SGIP1: variants seen among roughly 807,000 people sequenced by gnomAD.
The protein encoded by SGIP1 is SH3GL interacting endocytic adaptor 1.
A neutral mutation model predicts 107.5 loss-of-function variants in SGIP1; 38 were observed. That is an observed-to-expected ratio of 0.35 (90% CI 0.27 to 0.46). SGIP1 has a LOEUF of 0.46. SGIP1 is among the 20% of genes least tolerant of loss of function. SGIP1 has a pLI of 1.00. For synonymous variants in SGIP1, 365 were observed against 366.1 expected (o/e 1.00, Z 0.03); for missense variants, 929 against 1,019.5 (o/e 0.91, Z 1.21).
intron 7 of SGIP1, 106 bp from the exon 8 acceptor site, chr1:66,660,407 C>A: frequency 9.6e-7 from 1 of 1,038,282 alleles, no homozygotes; most frequent in Non-Finnish European, 1.5e-6. Context: ...CCTTCGAGAG[C>A]TCCCTTAAGT....
intron 2 of SGIP1, among the ~76,000 whole-genome samples, chr1:66,628,124 C>A (rs897832067): frequency 2.6e-5 from 4 of 152,120 alleles, no homozygotes; most frequent in Non-Finnish European, 5.9e-5. Context: ...ATATGTGCCA[C>A]ATTTTCTTAA....
intron 24 of SGIP1, among the ~76,000 whole-genome samples, chr1:66,742,406 T>C (rs1298502338): frequency 2.0e-5 from 3 of 149,926 alleles, no homozygotes; most frequent in African/African-American, 7.3e-5. Context: ...AATTATACCC[T>C]TTTCGCTCTC....
At chr1:66,586,070 A>G (rs569235495) in intron 1 of SGIP1, among the ~76,000 whole-genome samples, 3 of 152,250 alleles carry the variant, frequency 2.0e-5, no homozygotes, top group Non-Finnish European at 4.4e-5. Flanking sequence ...AGAATTGCTA[A>G]TGTCTCTTTT....
intron 15 of SGIP1, among the ~76,000 whole-genome samples, chr1:66,688,405 T>C (rs892326053): frequency 6.6e-6 from 1 of 152,224 alleles, no homozygotes; most frequent in African/African-American, 2.4e-5. Flanking sequence ...CTTCTGTGTT[T>C]CATACGTTTG....
At chr1:66,623,872 T>C (rs2071891818) in intron 1 of SGIP1, among the ~76,000 whole-genome samples, 1 of 152,218 alleles carries the variant, frequency 6.6e-6, no homozygotes, top group African/African-American at 2.4e-5. Flanking sequence ...AGTGCATTTT[T>C]TTCACTGGAA....
chr1:66,660,448 C>G (rs1571413568), intron 7 of SGIP1, 65 bp from the exon 8 acceptor site: 1 of 1,492,862 alleles, frequency 6.7e-7, no homozygotes, highest in African/African-American at 1.4e-5. Flanking sequence ...CCTGTTTCTT[C>G]TTGAAAATAC....
Position 66,534,319 on chromosome 1 carries a change from T to C in SGIP1, c.-40T>C. ...CTGGAATCGTATCCTCCTGTGTTTT[T>C]TCAGACTCCTTGGAAATTAAGGAAT... On this transcript the variant is annotated 5_prime_UTR_variant, in exon 1 of 25. Transcript: ENST00000371037. 6.2e-7 allele frequency: 1 copy of C among 1,613,398 alleles called. No individual in the cohort carries two copies. The highest frequency in any genetic ancestry group is 1.3e-5 in the African/African-American group (1 of 75,006).
chr1:66,678,817 T>A (rs937225881), intron 13 of SGIP1, among the ~76,000 whole-genome samples: 4 of 152,300 alleles, frequency 2.6e-5, no homozygotes, highest in Admixed American at 2.6e-4. Flanking sequence ...CCTACCTGCC[T>A]CCCTCTGCGT....
chr1:66,557,026 AT>A (rs1469893823), intron 1 of SGIP1, among the ~76,000 whole-genome samples: 5 of 152,108 alleles, frequency 3.3e-5, no homozygotes, highest in African/African-American at 1.2e-4. Context: ...GCGCTTTAGG[AT>A]CACAACAAGG....
chr1:66,585,960 G>T (rs534903663), intron 1 of SGIP1, among the ~76,000 whole-genome samples: 1 of 152,188 alleles, frequency 6.6e-6, no homozygotes, highest in Admixed American at 6.5e-5. Flanking sequence ...AGGTCTTAAA[G>T]TCTCCAACTA....
chr1:66,640,259 G>T (rs572833825), intron 5 of SGIP1, among the ~76,000 whole-genome samples: 1 of 152,310 alleles, frequency 6.6e-6, no homozygotes, highest in East Asian at 1.9e-4. Context: ...ACGTGTCATT[G>T]TTGCAAGGAT....
intron 19 of SGIP1, among the ~76,000 whole-genome samples, chr1:66,723,357 T>C (rs2093625296): frequency 6.6e-6 from 1 of 152,216 alleles, no homozygotes; most frequent in South Asian, 2.1e-4. Context: ...TAAATATAGT[T>C]ATACTGTAAA....
At chr1:66,675,537 C>T (rs200733434) in intron 12 of SGIP1, among the ~76,000 whole-genome samples, 33 of 109,202 alleles carry the variant, frequency 3.0e-4, no homozygotes, top group South Asian at 2.8e-3. Context: ...TTTTCTTTTT[C>T]TTTCTTTTTT....
intron 1 of SGIP1, among the ~76,000 whole-genome samples, chr1:66,566,278 G>C (rs533373185): frequency 1.3e-5 from 2 of 152,102 alleles, no homozygotes; most frequent in Non-Finnish European, 2.9e-5. Flanking sequence ...TAATGAGCAA[G>C]AGTGATCCCT....
intron 18 of SGIP1, among the ~76,000 whole-genome samples, chr1:66,703,141 G>A (rs1320300123): frequency 1.3e-5 from 2 of 152,176 alleles, no homozygotes; most frequent in Non-Finnish European, 2.9e-5. Context: ...ACCAGTCCAT[G>A]AGCTCTTCTA....
chr1:66,746,571 T>C lies in SGIP1; in HGVS notation c.*3476T>C, dbSNP rs1475820263. 6.6e-6 allele frequency: 1 copy of C among 152,150 alleles called. No homozygotes were observed. Among genetic ancestry groups the C allele is most frequent in the East Asian group, 1.9e-4 (1 of 5,204 alleles). The allele number at this position is 152,150 out of a possible 1,614,324, so 9.4% of individuals were successfully genotyped here. A position where few individuals can be genotyped will look rare whatever the true frequency, so the allele number is the denominator to read the frequency against. ...ATAAAAACTGACAGAGTGTTTACCA[T>C]GTACCAGTCACTAGAGATATTAGCT... On this transcript the variant is annotated 3_prime_UTR_variant, in exon 25 of 25. Coordinates refer to ENST00000371037, the MANE Select transcript of SGIP1 (RefSeq NM_032291.4).
chr1:66,676,592 TG>T (rs143561647), intron 12 of SGIP1, among the ~76,000 whole-genome samples: 1,635 of 152,334 alleles, frequency 0.011, 33 homozygotes, highest in African/African-American at 0.037. Context: ...TTTTCAGTTT[TG>T]AAGCATATTT....
intron 8 of SGIP1, among the ~76,000 whole-genome samples, chr1:66,667,187 C>A (rs141554665): frequency 0.018 from 2,706 of 152,230 alleles, 61 homozygotes; most frequent in South Asian, 0.088. Context: ...GTACCCCCCC[C>A]CAAACTATCT....
rs112633258 is a variant in SGIP1, at chr1:66,748,752, C to T, written c.*5657C>T. On this transcript the variant is annotated 3_prime_UTR_variant, in exon 25 of 25. Coordinates refer to ENST00000371037, the MANE Select transcript of SGIP1 (RefSeq NM_032291.4). Reference sequence around the variant, plus strand: ...ATTTGGGCTATGCTCACCAATATTCCAGTATTTTACAAATTGTGTTCTGGA... The same window carrying T: ...ATTTGGGCTATGCTCACCAATATTCTAGTATTTTACAAATTGTGTTCTGGA... Among the ~76,000 whole-genome samples the T allele has an allele frequency of 0.016, 2,471 of 151,904 alleles. 76 individuals carry two copies. Among genetic ancestry groups the T allele is most frequent in the African/African-American group, 0.056 (2,325 of 41,464 alleles).
Sources: allele counts gnomAD v4.1 joint callset (sites outside exome capture counted in the v4.1 genomes callset), GRCh38; gene constraint gnomAD v4.1.1; transcripts MANE v1.5; gene names NCBI Gene and HGNC (gene_info 2026-07-23, HGNC 2026-07-21).